Variants in CPLANE1 observed in about 807,000 individuals in gnomAD.
CPLANE1 encodes the protein ciliogenesis and planar polarity effector complex subunit 1.
A neutral mutation model predicts 362.5 loss-of-function variants in CPLANE1; 263 were observed. That is an observed-to-expected ratio of 0.73 (90% CI 0.66 to 0.80). The LOEUF is 0.80. CPLANE1 is among the 30% of genes least tolerant of loss of function. The probability of loss-of-function intolerance (pLI) is 0.00; values close to 1 mark genes in which losing one functional copy is unlikely to be tolerated. For synonymous variants in CPLANE1, 1,212 were observed against 1,302.6 expected, an observed-to-expected ratio of 0.93 and a Z score of 1.50; for missense variants, 3,461 against 3,793.4, an observed-to-expected ratio of 0.91 and a Z score of 2.30.
chr5:37,198,854 C>A lies in CPLANE1; in HGVS notation c.3520G>T (p.Asp1174Tyr), dbSNP rs760601336. ...PAILSEEDGD[D>Y]LLLKAEKNNR... Reference sequence around the variant, plus strand: ...TTTTTTTCAGCTTTTAAAAGAAGATCATCACCATCTTCCTGAGGAAAATAA... The same window carrying A: ...TTTTTTTCAGCTTTTAAAAGAAGATAATCACCATCTTCCTGAGGAAAATAA... The change falls in exon 20 of 53, where the codon GAT (aspartate) becomes TAT (tyrosine). Residue 1174 changes from aspartate (D) to tyrosine (Y), a missense_variant. By Grantham distance (160) the Asp-to-Tyr change is radical. This residue lies in a region of CPLANE1 where 3,380 missense variants were observed against 3,666.1 expected (regional missense o/e 0.92). Transcript: ENST00000651892. The A allele has an allele frequency of 2.0e-5, 32 of 1,613,514 alleles. No individual in the cohort carries two copies. The East Asian group carries it at 6.9e-4, about 35-fold the overall frequency.
intron 46 of CPLANE1, among the ~76,000 whole-genome samples, chr5:37,135,395 G>A (rs1292568445): frequency 2.0e-5 from 3 of 152,128 alleles, no homozygotes; most frequent in Admixed American, 6.5e-5. Flanking sequence ...AAAGGAAAGA[G>A]GTTTAATTAA....
chr5:37,139,758 C>T (rs1769091312), intron 44 of CPLANE1: 1 of 633,606 alleles, frequency 1.6e-6, no homozygotes, highest in Non-Finnish European at 2.0e-6. Context: ...CTATGTTGCC[C>T]AGGTTGGTCT....
intron 50 of CPLANE1, among the ~76,000 whole-genome samples, chr5:37,118,298 C>T (rs558152924): frequency 3.3e-5 from 5 of 149,756 alleles, no homozygotes; most frequent in East Asian, 2.0e-4. Context: ...CACAGCTACT[C>T]GGGAGGCTGA....
At chr5:37,141,713 C>T in intron 44 of CPLANE1, 38 of 984,196 alleles carry the variant, frequency 3.9e-5, no homozygotes, top group Non-Finnish European at 4.6e-5. Context: ...AGTGATTGAA[C>T]TGATGTATTT....
At chr5:37,145,202 G>T (rs1048884747) in intron 43 of CPLANE1, among the ~76,000 whole-genome samples, 3 of 152,078 alleles carry the variant, frequency 2.0e-5, no homozygotes, top group Non-Finnish European at 4.4e-5. Context: ...TTACTTGGGG[G>T]GCTGAGGCAG....
chr5:37,229,035 T>C (rs945108483), intron 9 of CPLANE1, among the ~76,000 whole-genome samples: 2 of 151,250 alleles, frequency 1.3e-5, no homozygotes, highest in African/African-American at 4.9e-5. Flanking sequence ...GCCCGACCAA[T>C]ACGGTGAAAC....
At chr5:37,154,444 A>C (rs1386134137) in intron 41 of CPLANE1, among the ~76,000 whole-genome samples, 2 of 133,436 alleles carry the variant, frequency 1.5e-5, no homozygotes, top group African/African-American at 6.6e-5. Context: ...TTCTTCTCCC[A>C]AATTTGCAAT....
chr5:37,235,996 A>G (rs998374828), intron 8 of CPLANE1, among the ~76,000 whole-genome samples: 2 of 150,738 alleles, frequency 1.3e-5, no homozygotes, highest in African/African-American at 4.9e-5. Context: ...CAGCCTCTTC[A>G]GTAGCTGGGA....
chr5:37,235,792 G>A (rs557505591), intron 8 of CPLANE1, among the ~76,000 whole-genome samples: 1 of 150,656 alleles, frequency 6.6e-6, no homozygotes, highest in South Asian at 2.1e-4. Flanking sequence ...GGCTGGTCTC[G>A]AACTCCTGAC....
chr5:37,187,671 T>C (rs1784435040), intron 22 of CPLANE1, 62 bp downstream of exon 22: 1 of 1,557,946 alleles, frequency 6.4e-7, no homozygotes, highest in South Asian at 1.2e-5. Context: ...AAAATCTTCT[T>C]TTAAACAATA....
intron 47 of CPLANE1, among the ~76,000 whole-genome samples, chr5:37,124,029 G>A (rs1222383561): frequency 2.0e-5 from 3 of 151,616 alleles, no homozygotes; most frequent in Non-Finnish European, 4.4e-5. Flanking sequence ...TAGCCCTGAA[G>A]GTCACTACCA....
At chr5:37,142,192 A>C (rs1379898439) in intron 44 of CPLANE1, 118 bp downstream of exon 44, 1 of 1,297,870 alleles carries the variant, frequency 7.7e-7, no homozygotes, top group East Asian at 3.0e-5. Flanking sequence ...TTCCCCTAAA[A>C]TAAATATTAC....
At chr5:37,126,516 G>C (rs893847107) in intron 46 of CPLANE1, among the ~76,000 whole-genome samples, 2 of 152,184 alleles carry the variant, frequency 1.3e-5, no homozygotes, top group African/African-American at 4.8e-5. Context: ...CCTTTACCGG[G>C]AGGGCTGAGA....
In CPLANE1 at chr5:37,115,597, C is replaced by CTT. The variant is rs202050168; in HGVS notation, c.9311-550_9311-549dup. 1.7e-3 allele frequency among the ~76,000 whole-genome samples: 209 copies of CTT among 124,632 alleles called. 2 individuals carry two copies. The highest frequency in any genetic ancestry group is 5.2e-3 in the African/African-American group (168 of 32,216). The allele number at this position is 124,632 out of a possible 152,430, so 81.8% of individuals were successfully genotyped here. On this transcript the variant is annotated intron_variant, in intron 50 of 52. Coordinates refer to ENST00000651892, the MANE Select transcript of CPLANE1 (RefSeq NM_001384732.1). ...GGATTTAAAACTTAGACTTTTATTT[C>CTT]TTTTTTTTTTTTTTTTTTGAGATGG...
intron 37 of CPLANE1, 142 bp from the exon 38 acceptor site, chr5:37,162,708 C>A: frequency 1.9e-6 from 1 of 523,336 alleles, no homozygotes; most frequent in South Asian, 2.7e-5. Flanking sequence ...GAGATGGAGT[C>A]TGGCTCTGCT....
chr5:37,227,481 T>C, intron 10 of CPLANE1, 87 bp downstream of exon 10: 1 of 1,482,392 alleles, frequency 6.7e-7, no homozygotes, highest in South Asian at 1.4e-5. Context: ...GACAACTGTA[T>C]ACAATTCAAG....
intron 16 of CPLANE1, among the ~76,000 whole-genome samples, chr5:37,207,421 T>C (rs1461641562): frequency 3.3e-5 from 5 of 152,244 alleles, no homozygotes; most frequent in African/African-American, 9.6e-5. Flanking sequence ...AAATTTTTCC[T>C]ATTTTTATTC....
chr5:37,244,460 G>C lies in CPLANE1; in HGVS notation c.485C>G (p.Ser162Cys). The C allele has an allele frequency of 1.3e-6, 2 of 1,551,200 alleles. No homozygotes were observed. The highest frequency in any genetic ancestry group is 2.4e-5 in the South Asian group (2 of 84,000). The part of the protein sequence containing the change: ...SKSLSLAGRW[S>C]QVIPEEAVLL... ...AACTGCTTCTTCAGGTATGACCTGG[G>C]ACCACCGACCCGCCAATGAAAGGCT... The change falls in exon 5 of 53, where the codon TCC (serine) becomes TGC (cysteine). Residue 162 changes from serine to cysteine, a missense_variant. Transcript: ENST00000651892.
chr5:37,153,740 C>T lies in CPLANE1; in HGVS notation c.8373G>A (p.Lys2791=), dbSNP rs1305347774. 5 of 1,606,626 alleles carry T rather than the reference C, an allele frequency of 3.1e-6. No individual in the cohort carries two copies. In the East Asian group the frequency reaches 6.7e-5, roughly 22 times the overall value. The part of the protein sequence containing the change: ...KPEMLDLHCD[K]IGPVDHIEFS... ...AAAACTAAAAATAAAGGTAGTCTAC[C>T]TTATCACAATGTAGATCTAGCATTT... is the stretch of plus-strand genomic sequence containing the variant. The change falls in exon 42 of 53, where the codon AAG becomes AAA. Residue 2791 remains lysine (K), a splice_region_variant and synonymous_variant. Coordinates refer to ENST00000651892, the MANE Select transcript of CPLANE1 (RefSeq NM_001384732.1).
Sources: allele counts gnomAD v4.1 joint callset (sites outside exome capture counted in the v4.1 genomes callset), GRCh38; gene constraint gnomAD v4.1.1; regional missense constraint gnomAD v4.1.1; transcripts MANE v1.5; gene names NCBI Gene and HGNC (gene_info 2026-07-23, HGNC 2026-07-21).